SHISA9: variants seen among roughly 807,000 people sequenced by gnomAD.
SHISA9 encodes shisa family member 9.
Under a neutral mutation model 38.0 loss-of-function variants are expected in SHISA9, and 13 were observed. The ratio of observed to expected loss-of-function variants is 0.34; its 90% confidence interval spans 0.22 to 0.54. The LOEUF is 0.54. SHISA9 is among the 20% of genes least tolerant of loss of function. SHISA9 has a pLI of 0.91. For synonymous variants in SHISA9, 275 were observed against 242.0 expected, an observed-to-expected ratio of 1.14 and a Z score of -1.27; for missense variants, 538 against 575.8, an observed-to-expected ratio of 0.93 and a Z score of 0.67.
intron 2 of SHISA9, among the ~76,000 whole-genome samples, chr16:13,148,566 A>G (rs774332682): frequency 6.6e-6 from 1 of 152,084 alleles, no homozygotes; most frequent in Non-Finnish European, 1.5e-5. Flanking sequence ...CTCTATATCT[A>G]TTAATATATC....
intron 2 of SHISA9, among the ~76,000 whole-genome samples, chr16:12,989,888 G>A (rs2072362144): frequency 6.6e-6 from 1 of 152,012 alleles, no homozygotes; most frequent in Non-Finnish European, 1.5e-5. Context: ...TCGCCTGGGT[G>A]TGAAGCCGAG....
At chr16:13,274,303 C>T in the SHISA9 span, among the ~76,000 whole-genome samples, 1 of 152,062 alleles carries the variant, frequency 6.6e-6, no homozygotes, top group South Asian at 2.1e-4. Flanking sequence ...TTTTGATGCT[C>T]TGGGTAAATT....
chr16:12,970,092 C>G (rs2072035251), intron 2 of SHISA9, among the ~76,000 whole-genome samples: 1 of 150,268 alleles, frequency 6.7e-6, no homozygotes, highest in African/African-American at 2.4e-5. Flanking sequence ...ATTATGTTAT[C>G]CTTTATTTCC....
At chr16:13,445,714 C>T in the SHISA9 span, among the ~76,000 whole-genome samples, 1 of 152,138 alleles carries the variant, frequency 6.6e-6, no homozygotes, top group Non-Finnish European at 1.5e-5. Context: ...AATCTAGGGA[C>T]AATATACTGA....
At chr16:12,994,270 C>T (rs146968534) in intron 2 of SHISA9, among the ~76,000 whole-genome samples, 9 of 152,242 alleles carry the variant, frequency 5.9e-5, no homozygotes, top group East Asian at 5.8e-4. Context: ...GTGTGAGCCA[C>T]GGAAGCAGAG....
intron 2 of SHISA9, among the ~76,000 whole-genome samples, chr16:12,926,450 G>A (rs545300305): frequency 6.6e-4 from 101 of 152,124 alleles, no homozygotes; most frequent in Middle Eastern, 3.4e-3. Context: ...TCAACATTCC[G>A]CTGATATTTA....
chr16:13,469,346 G>GAA, the SHISA9 span, among the ~76,000 whole-genome samples: 14 of 111,050 alleles, frequency 1.3e-4, no homozygotes, highest in East Asian at 3.5e-3. Context: ...AAGAAAGAAA[G>GAA]AAAGAAAGAA....
At chr16:13,234,338 T>A (rs1567259494) in intron 4 of SHISA9, among the ~76,000 whole-genome samples, 1 of 152,254 alleles carries the variant, frequency 6.6e-6, no homozygotes, top group Non-Finnish European at 1.5e-5. Flanking sequence ...CTAAGCACTT[T>A]ACACAGATCA....
chr16:13,374,813 C>G, the SHISA9 span, among the ~76,000 whole-genome samples: 1 of 152,194 alleles, frequency 6.6e-6, no homozygotes, highest in Non-Finnish European at 1.5e-5. Context: ...TTCTCCACAT[C>G]CTCTCCAGCA....
chr16:13,340,279 C>G, the SHISA9 span, among the ~76,000 whole-genome samples: 14 of 152,306 alleles, frequency 9.2e-5, no homozygotes, highest in South Asian at 2.9e-3. Flanking sequence ...GGCCAGGTGT[C>G]TTTCCCAAAA....
chr16:13,295,597 C>T, the SHISA9 span, among the ~76,000 whole-genome samples: 7 of 152,060 alleles, frequency 4.6e-5, no homozygotes, highest in South Asian at 2.1e-4. Flanking sequence ...ATATCAGGCT[C>T]GAAAGGCCAG....
rs397965537 is a variant in SHISA9 at position 13,131,640 on chromosome 16, A to AG, written c.692-71752dup. On this transcript the variant is annotated intron_variant, in intron 2 of 4. Transcript: ENST00000558583. ...AGCTTAAAAGTTGATGGAAAAAAAA[A>AG]GGTTTTATTTACAAAAGCAGGTGAC... Among the ~76,000 whole-genome samples the AG allele has an allele frequency of 5.9e-5, 9 of 152,072 alleles. No individual in the cohort carries two copies. The South Asian group carries it at 1.9e-3, about 32-fold the overall frequency.
At chr16:13,453,396 A>T in the SHISA9 span, among the ~76,000 whole-genome samples, 1 of 152,214 alleles carries the variant, frequency 6.6e-6, no homozygotes, top group Non-Finnish European at 1.5e-5. Flanking sequence ...ATTTTGTAAG[A>T]TAAGACAATC....
At chr16:13,529,093 C>T in the SHISA9 span, among the ~76,000 whole-genome samples, 7 of 152,314 alleles carry the variant, frequency 4.6e-5, no homozygotes, top group African/African-American at 1.7e-4. Flanking sequence ...GGAGGTCAAA[C>T]ATGCCTCATG....
At chr16:13,450,461 C>G in the SHISA9 span, among the ~76,000 whole-genome samples, 33 of 152,354 alleles carry the variant, frequency 2.2e-4, no homozygotes, top group Non-Finnish European at 1.3e-4. Flanking sequence ...TTCATGGCCA[C>G]TTCAACTTTC....
the SHISA9 span, among the ~76,000 whole-genome samples, chr16:13,554,394 T>A: frequency 6.6e-6 from 1 of 151,844 alleles, no homozygotes; most frequent in Admixed American, 6.6e-5. Context: ...ACAAGTCTGG[T>A]ATTTATTTTT....
chr16:13,536,533 G>C, the SHISA9 span, among the ~76,000 whole-genome samples: 1 of 152,250 alleles, frequency 6.6e-6, no homozygotes, highest in South Asian at 2.1e-4. Flanking sequence ...CCCTAACATA[G>C]AGATAAGCAT....
intron 2 of SHISA9, among the ~76,000 whole-genome samples, chr16:13,113,103 G>A (rs915007010): frequency 1.2e-4 from 18 of 150,474 alleles, no homozygotes; most frequent in African/African-American, 3.4e-4. Flanking sequence ...CCAGCTACTC[G>A]CAGGGCTGAG....
the SHISA9 span, among the ~76,000 whole-genome samples, chr16:13,478,981 CAA>C: frequency 2.0e-5 from 3 of 152,168 alleles, no homozygotes; most frequent in Non-Finnish European, 4.4e-5. Flanking sequence ...TAAAACAACA[CAA>C]GTCTGTCATG....
Sources: gnomAD v4.1 joint callset for allele counts (sites outside exome capture counted in the v4.1 genomes callset) on GRCh38, gnomAD v4.1.1 for gene constraint, MANE v1.5 for transcripts, NCBI Gene and HGNC (gene_info 2026-07-23, HGNC 2026-07-21) for gene names.